The following CDKL1 variants were observed in gnomAD, a reference collection of about 807,000 sequenced individuals.
CDKL1 encodes the protein cyclin-dependent kinase-like 1.
In CDKL1, 41 loss-of-function variants were observed where a neutral mutation model predicts 42.0. The ratio of observed to expected loss-of-function variants is 0.98; its 90% CI spans 0.76 to 1.27. CDKL1 has a LOEUF of 1.27. Ranked by LOEUF, CDKL1 falls within the 50% of genes most tolerant of loss-of-function variation. The pLI, the probability that CDKL1 is intolerant of heterozygous loss-of-function variation, is 0.00. For missense variants in CDKL1, 394 were observed against 428.4 expected (o/e 0.92, Z 0.71); for synonymous variants, 153 against 158.6 (o/e 0.96, Z 0.26).
chr14:50,333,860 C>T (rs1254111930), intron 8 of CDKL1: 1 of 151,202 alleles, frequency 6.6e-6, no homozygotes, highest in African/African-American at 2.4e-5. Context: ...TACCATACCT[C>T]ATTTTACATA....
chr14:50,332,903 CTTTTTT>C (rs35560184), intron 8 of CDKL1: 406 of 262,464 alleles, frequency 1.5e-3, no homozygotes, highest in East Asian at 3.2e-3. Context: ...AAATCAGCTA[CTTTTTT>C]TTTTTTTTTT....
In CDKL1 at chr14:50,326,519, G is replaced by A. The variant is rs1324702345; in HGVS notation, c.*3555C>T. The A allele has an allele frequency of 2.0e-6, 2 of 985,330 alleles. No individual in the cohort carries two copies. Among genetic ancestry groups the A allele is most frequent in the Non-Finnish European group, 2.4e-6 (2 of 829,932 alleles). The allele number at this position is 985,330 out of a possible 1,614,324, so 61.0% of individuals were successfully genotyped here. On this transcript the variant is annotated 3_prime_UTR_variant, in exon 10 of 10. Transcript: ENST00000395834. ...GTTGAAGCATGCATTGCTTCAACAG[G>A]ATTTGCGTGCATTTCCCATGATCCT... is the stretch of plus-strand genomic sequence containing the variant.
intron 2 of CDKL1, among the ~76,000 whole-genome samples, chr14:50,387,889 T>C (rs1336477606): frequency 6.6e-6 from 1 of 151,802 alleles, no homozygotes; most frequent in African/African-American, 2.4e-5. Flanking sequence ...TCCACTGAGG[T>C]GTTTGTTTGT....
At chr14:50,393,360 T>C (rs2076993301) in intron 2 of CDKL1, among the ~76,000 whole-genome samples, 1 of 152,242 alleles carries the variant, frequency 6.6e-6, no homozygotes, top group African/African-American at 2.4e-5. Flanking sequence ...CAACTTTGCA[T>C]AAACATCGTT....
chr14:50,336,002 A>G (rs1444672953), intron 7 of CDKL1: 1 of 1,366,664 alleles, frequency 7.3e-7, no homozygotes, highest in East Asian at 4.5e-5. Flanking sequence ...CTCATGCTCC[A>G]TAGCTTAAAT....
chr14:50,395,723 A>G lies in CDKL1; in HGVS notation c.146T>C (p.Leu49Pro), dbSNP rs780880848. The G allele has an allele frequency of 1.9e-6, 3 of 1,612,290 alleles. No homozygotes were observed. The highest frequency in any genetic ancestry group is 1.7e-4 in the Middle Eastern group (1 of 6,058). ...TACCTTGAGCATTCGGATTTCCCGA[A>G]GGGCAATTTTCTTTATGACAGGGTC... is the stretch of plus-strand genomic sequence containing the variant. Reference protein sequence around the residue: ...EDDPVIKKIALREIRMLKQLK... With the variant: ...EDDPVIKKIAPREIRMLKQLK... The change falls in exon 2 of 10, where the codon CTT becomes CCT. Residue 49 changes from leucine to proline, a missense_variant. Leu to Pro is a moderately conservative substitution (Grantham distance 98, BLOSUM62 -3). Coordinates refer to ENST00000395834, the MANE Select transcript of CDKL1 (RefSeq NM_004196.7).
intron 2 of CDKL1, chr14:50,376,520 T>C (rs1324242679): frequency 2.2e-5 from 7 of 321,216 alleles, no homozygotes; most frequent in Admixed American, 7.5e-5. Context: ...ATAAATATTA[T>C]GCAGGTATTA....
intron 2 of CDKL1, among the ~76,000 whole-genome samples, chr14:50,370,458 CTT>C (rs1399606991): frequency 6.6e-6 from 1 of 152,172 alleles, no homozygotes; most frequent in Non-Finnish European, 1.5e-5. Context: ...ACTTATTCCT[CTT>C]GTCTAAGATT....
rs1017128340 is a variant in CDKL1 at position 50,393,441 on chromosome 14, A to G, written c.168+2260T>C. ...GGAGAAAATAAAATGTTCATTTACC[A>G]TACCCTCAATTCACCTACTCAACAA... is the stretch of plus-strand genomic sequence containing the variant. On this transcript the variant is annotated intron_variant, in intron 2 of 9. Coordinates refer to ENST00000395834, the MANE Select transcript of CDKL1 (RefSeq NM_004196.7). Among the ~76,000 whole-genome samples, 15 of 152,334 alleles carry G rather than the reference A, an allele frequency of 9.8e-5. No individual in the cohort carries two copies. In the East Asian group the frequency reaches 2.9e-3, roughly 29 times the overall value.
At chr14:50,344,631 A>G (rs1245709060) in intron 4 of CDKL1, among the ~76,000 whole-genome samples, 1 of 151,340 alleles carries the variant, frequency 6.6e-6, no homozygotes, top group Non-Finnish European at 1.5e-5. Flanking sequence ...CACCGCACCC[A>G]GTTCATTTTT....
At chr14:50,380,420 C>T (rs536678135) in intron 2 of CDKL1, among the ~76,000 whole-genome samples, 1 of 152,358 alleles carries the variant, frequency 6.6e-6, no homozygotes, top group East Asian at 1.9e-4. Context: ...TACACAGGCT[C>T]TGGCACTTGA....
At chr14:50,381,647 C>T (rs1055344562) in intron 2 of CDKL1, among the ~76,000 whole-genome samples, 3 of 152,218 alleles carry the variant, frequency 2.0e-5, no homozygotes, top group African/African-American at 7.2e-5. Context: ...AAAAATGGCA[C>T]TGACACAGCC....
At position 50,333,848 on chromosome 14, in the gene CDKL1, G is replaced by T. The variant is rs373983702; in HGVS notation, c.795+717C>A. 284 of 151,274 alleles carry T rather than the reference G, an allele frequency of 1.9e-3. 1 individual carries two copies. The highest frequency in any genetic ancestry group is 6.1e-3 in the African/African-American group (250 of 41,312). 9.4% of individuals were successfully genotyped at this position (151,274 alleles called of 1,614,324 possible). Reference sequence around the variant, plus strand: ...ACTGTAACTTGCAAACATTTTAGTTGATACCATACCTCATTTTACATAAGA... The same window carrying T: ...ACTGTAACTTGCAAACATTTTAGTTTATACCATACCTCATTTTACATAAGA... On this transcript the variant is annotated intron_variant, in intron 8 of 9. Transcript: ENST00000395834.
At chr14:50,380,552 T>A (rs1464877597) in intron 2 of CDKL1, among the ~76,000 whole-genome samples, 4 of 152,234 alleles carry the variant, frequency 2.6e-5, no homozygotes, top group Non-Finnish European at 5.9e-5. Flanking sequence ...AAGCCTAAGT[T>A]AACTCTCCAG....
At chr14:50,391,078 G>A (rs1181178207) in intron 2 of CDKL1, among the ~76,000 whole-genome samples, 1 of 152,126 alleles carries the variant, frequency 6.6e-6, no homozygotes, top group Non-Finnish European at 1.5e-5. Flanking sequence ...CGAGAGATCA[G>A]CACGTTGGCC....
rs527530300 is a variant in CDKL1 at position 50,373,161 on chromosome 14, T to TA, written c.169-14013dup. On this transcript the variant is annotated intron_variant, in intron 2 of 9. Transcript: ENST00000395834. The stretch of plus-strand genomic sequence containing the variant: ...TTTTAACAATATTAATTCACTATGT[T>TA]AAAAAAACACTATAAACAACGCCAA... 3.6e-4 allele frequency among the ~76,000 whole-genome samples: 55 copies of TA among 152,168 alleles called. 2 individuals are homozygous for TA. The South Asian group carries it at 7.7e-3, about 21-fold the overall frequency.
chr14:50,375,507 C>A (rs547699582), intron 2 of CDKL1, among the ~76,000 whole-genome samples: 61 of 152,350 alleles, frequency 4.0e-4, no homozygotes, highest in African/African-American at 1.4e-3. Context: ...AGTGGAGAAA[C>A]CTGACGACAC....
intron 3 of CDKL1, among the ~76,000 whole-genome samples, chr14:50,352,387 T>C (rs2033930424): frequency 6.6e-6 from 1 of 152,096 alleles, no homozygotes; most frequent in East Asian, 1.9e-4. Context: ...TGGTTCTGTC[T>C]GGCAAAATTT....
chr14:50,380,812 T>TG (rs1555344292), intron 2 of CDKL1, among the ~76,000 whole-genome samples: 6 of 150,484 alleles, frequency 4.0e-5, no homozygotes, highest in Non-Finnish European at 7.4e-5. Context: ...CTTTTTTTTT[T>TG]GGGACAGAGC....
Sources: allele counts gnomAD v4.1 joint callset (sites outside exome capture counted in the v4.1 genomes callset), GRCh38; gene constraint gnomAD v4.1.1; transcripts MANE v1.5; gene names NCBI Gene and HGNC (gene_info 2026-07-23, HGNC 2026-07-21).